ZBTB18: variants seen among roughly 807,000 people sequenced by gnomAD.
The protein encoded by ZBTB18 is zinc finger and BTB domain containing 18, also known as zinc finger and BTB domain-containing protein 18.
In ZBTB18, 2 loss-of-function variants were observed where a neutral mutation model predicts 37.7. The observed-to-expected ratio is 0.05, with a 90% confidence interval of 0.02 to 0.17. The LOEUF is 0.17. ZBTB18 is among the 10% of genes least tolerant of loss of function. The pLI is 1.00. For missense variants in ZBTB18, 408 were observed against 686.3 expected (o/e 0.59, Z 4.53); for synonymous variants, 304 against 276.5 (o/e 1.10, Z -0.99).
chr1:244,053,969 G>C lies in ZBTB18; in HGVS notation c.195G>C (p.Gln65His), dbSNP rs553501844. Residue 65 changes from glutamine to histidine, a missense_variant, in exon 2 of 2, where the codon CAG becomes CAC. Gln to His is a conservative substitution (Grantham distance 24). Around this residue, in one of 4 missense-constraint regions of ZBTB18, gnomAD observed 95 missense variants for 218.7 expected, o/e 0.43. Transcript: ENST00000358704. This position sits in a 1 kb window ranked among gnomAD's most constrained non-coding sequence, Gnocchi z 5.2. ...ATTTCCACCTCTTTTACAAGGACCA[G>C]CTGGACAAAAGAGACATTGTTCATC... ...SMYFHLFYKD[Q>H]LDKRDIVHLN... 1 of 1,614,138 alleles carries C rather than the reference G, an allele frequency of 6.2e-7. No homozygotes were observed. The highest frequency in any genetic ancestry group is 1.3e-5 in the African/African-American group (1 of 75,024).
chr1:244,056,750 A>G lies in ZBTB18; in HGVS notation c.*1380A>G, dbSNP rs879622076. The G allele has an allele frequency of 6.4e-6, 1 of 155,280 alleles. No homozygotes were observed. Among genetic ancestry groups the G allele is most frequent in the Non-Finnish European group, 1.5e-5 (1 of 66,084 alleles). The allele number at this position is 155,280 out of a possible 1,614,324, so 9.6% of individuals were successfully genotyped here. A position where few individuals can be genotyped will look rare whatever the true frequency, so the allele number is the denominator to read the frequency against. ...TGAAAGGACTGGACTGCCTTGATTGACATGGGGAAGGGGGTTAGTAGACTA... is the reference window on the plus strand; with the variant it reads ...TGAAAGGACTGGACTGCCTTGATTGGCATGGGGAAGGGGGTTAGTAGACTA... On this transcript the variant is annotated 3_prime_UTR_variant, in exon 2 of 2. Transcript: ENST00000358704.
Position 244,054,995 on chromosome 1 carries a change from C to T in ZBTB18, c.1221C>T (p.Gly407=), listed in dbSNP as rs772322715. The change falls in exon 2 of 2, where the codon GGC becomes GGT. Residue 407 remains glycine (G), a synonymous_variant. Transcript: ENST00000358704. The surrounding 1 kb of genome is among the most constrained non-coding windows in gnomAD (Gnocchi z 9.0). ...GCACGCACTTCCGCGAGCAGGACGG[C>T]ATCCGCAGCAAGCCCGCCGCCGATG... ...HLSTHFREQD[G]IRSKPAADVN... The T allele has an allele frequency of 7.4e-6, 12 of 1,614,006 alleles. No homozygotes were observed. The Admixed American group carries it at 1.5e-4, about 20-fold the overall frequency.
Position 244,053,373 on chromosome 1 carries a change from ACTTTT to A in ZBTB18, c.14-410_14-406del, listed in dbSNP as rs933553298. 6.6e-6 allele frequency among the ~76,000 whole-genome samples: 1 copy of A among 152,090 alleles called. No individual in the cohort carries two copies. The highest frequency in any genetic ancestry group is 1.5e-5 in the Non-Finnish European group (1 of 68,008). On this transcript the variant is annotated intron_variant, in intron 1 of 1. Transcript: ENST00000358704. This position sits in a 1 kb window ranked among gnomAD's most constrained non-coding sequence, Gnocchi z 5.2. ...TTGTATGTTCCAGGATATGTTTGGG[ACTTTT>A]CTTTGTTTATTATATGAGTTGTTCC...
At position 244,055,645 on chromosome 1, in the gene ZBTB18, A is replaced by G. The variant is rs150441259; in HGVS notation, c.*275A>G. On this transcript the variant is annotated 3_prime_UTR_variant, in exon 2 of 2. Transcript: ENST00000358704. The surrounding 1 kb of genome is among the most constrained non-coding windows in gnomAD (Gnocchi z 7.0). Reference sequence around the variant, plus strand: ...CTTTTAAACAAATCGTCCTGTCACAAAATGCTTTCATATGGCTTAATTTTG... The same window carrying G: ...CTTTTAAACAAATCGTCCTGTCACAGAATGCTTTCATATGGCTTAATTTTG... The G allele has an allele frequency of 2.4e-5, 4 of 166,754 alleles. No homozygotes were observed. The highest frequency in any genetic ancestry group is 2.1e-4 in the South Asian group (1 of 4,818). 10.3% of individuals were successfully genotyped at this position (166,754 alleles called of 1,614,324 possible).
Position 244,056,738 on chromosome 1 carries a change from C to G in ZBTB18, c.*1368C>G, listed in dbSNP as rs1698481300. 2 of 159,694 alleles carry G rather than the reference C, an allele frequency of 1.3e-5. No homozygotes were observed. Among genetic ancestry groups the G allele is most frequent in the Admixed American group, 1.5e-4 (2 of 13,670 alleles). The allele number at this position is 159,694 out of a possible 1,614,324, so 9.9% of individuals were successfully genotyped here. A position where few individuals can be genotyped will look rare whatever the true frequency, so the allele number is the denominator to read the frequency against. The stretch of plus-strand genomic sequence containing the variant: ...AAAGCCCCAGGCTGAAAGGACTGGA[C>G]TGCCTTGATTGACATGGGGAAGGGG... On this transcript the variant is annotated 3_prime_UTR_variant, in exon 2 of 2. Coordinates refer to ENST00000358704, the MANE Select transcript of ZBTB18 (RefSeq NM_205768.3).
Position 244,055,076 on chromosome 1 carries a change from C to T in ZBTB18, c.1302C>T (p.Leu434=). 1.2e-6 allele frequency: 2 copies of T among 1,614,210 alleles called. No homozygotes were observed. The highest frequency in any genetic ancestry group is 1.7e-6 in the Non-Finnish European group (2 of 1,180,052). ...AGACTTTCTCTTGCATGTACACCCTCAAGCGCCACGAGAGGACTCACTCGG... is the reference window on the plus strand; with the variant it reads ...AGACTTTCTCTTGCATGTACACCCTTAAGCGCCACGAGAGGACTCACTCGG... ...CGKTFSCMYT[L]KRHERTHSGE... is the part of the protein sequence containing the mutation. Residue 434 remains leucine, a synonymous_variant, in exon 2 of 2, where the codon CTC becomes CTT. Transcript: ENST00000358704. This position sits in a 1 kb window ranked among gnomAD's most constrained non-coding sequence, Gnocchi z 7.0.
chr1:244,054,406 A>G lies in ZBTB18; in HGVS notation c.632A>G (p.Glu211Gly). The change falls in exon 2 of 2, where the codon GAG (glutamate) becomes GGG (glycine). Residue 211 changes from glutamate to glycine, a missense_variant. Coordinates refer to ENST00000358704, the MANE Select transcript of ZBTB18 (RefSeq NM_205768.3). This position sits in a 1 kb window ranked among gnomAD's most constrained non-coding sequence, Gnocchi z 9.0. ...ATCCCCCAGGCTGGCGGAGAGGCAG[A>G]GCCACACGCCACAGCAGCTGGAAAA... Reference protein sequence around the residue: ...AGIPQAGGEAEPHATAAGKTV... With the variant: ...AGIPQAGGEAGPHATAAGKTV... 6.2e-7 allele frequency: 1 copy of G among 1,614,212 alleles called. No individual in the cohort carries two copies. Among genetic ancestry groups the G allele is most frequent in the Non-Finnish European group, 8.5e-7 (1 of 1,180,046 alleles).
At chr1:244,049,463 G>A (rs893331877), upstream of ZBTB18, among the ~76,000 whole-genome samples, 11 of 148,282 alleles carry the variant, frequency 7.4e-5, no homozygotes, top group East Asian at 2.2e-3. Flanking sequence ...GGAGGGGGCC[G>A]GCGGGGGAGG....
At position 244,054,720 on chromosome 1, in the gene ZBTB18, G is replaced by A. The variant is rs909531286; in HGVS notation, c.946G>A (p.Val316Ile). The stretch of plus-strand genomic sequence containing the variant: ...AGAAAGTGTGAGCACTAATAACAGG[G>A]TACAGTATGAGCCGGCCCATCTGGC... ...VKESVSTNNR[V>I]QYEPAHLAPL... Residue 316 changes from valine (V) to isoleucine (I), a missense_variant, in exon 2 of 2, where the codon GTA becomes ATA. Physicochemically the swap from Val to Ile is conservative, Grantham distance 29. Coordinates refer to ENST00000358704, the MANE Select transcript of ZBTB18 (RefSeq NM_205768.3). The surrounding 1 kb of genome is among the most constrained non-coding windows in gnomAD (Gnocchi z 9.0). The A allele has an allele frequency of 3.1e-6, 5 of 1,614,170 alleles. No individual in the cohort carries two copies. The highest frequency in any genetic ancestry group is 4.2e-6 in the Non-Finnish European group (5 of 1,180,034).
At position 244,053,265 on chromosome 1, in the gene ZBTB18, A is replaced by ATG. The variant is rs370271766; in HGVS notation, c.14-509_14-508dup. Among the ~76,000 whole-genome samples, 2,580 of 151,882 alleles carry ATG rather than the reference A, an allele frequency of 0.017. 37 individuals carry two copies. The highest frequency in any genetic ancestry group is 0.023 in the Non-Finnish European group (1,549 of 67,916). On this transcript the variant is annotated intron_variant, in intron 1 of 1. Coordinates refer to ENST00000358704, the MANE Select transcript of ZBTB18 (RefSeq NM_205768.3). The surrounding 1 kb of genome is among the most constrained non-coding windows in gnomAD (Gnocchi z 5.2). ...CATTTTTTTTTCTTGATTCAGCCAA[A>ATG]TGTGTGTGTGTGTGTTTAAACTGTG...
rs767598007 is a variant in ZBTB18 at position 244,051,407 on chromosome 1, C to CA, written c.-24dup. The CA allele has an allele frequency of 1.2e-6, 2 of 1,613,822 alleles. No individual in the cohort carries two copies. Among genetic ancestry groups the CA allele is most frequent in the East Asian group, 2.2e-5 (1 of 44,884 alleles). Reference sequence around the variant, plus strand: ...TAACAGACCTGGAGCCAGCAGGACTCAGAGGAAAGGACTTAATCAGGTTTA... The same window carrying CA: ...TAACAGACCTGGAGCCAGCAGGACTCAAGAGGAAAGGACTTAATCAGGTTTA... On this transcript the variant is annotated 5_prime_UTR_variant, in exon 1 of 2. Coordinates refer to ENST00000358704, the MANE Select transcript of ZBTB18 (RefSeq NM_205768.3).
chr1:244,048,667 C>A (rs866459463), upstream of ZBTB18, among the ~76,000 whole-genome samples: 12 of 142,508 alleles, frequency 8.4e-5, no homozygotes, highest in African/African-American at 2.8e-4. Context: ...GGCCCGGCGG[C>A]TCCGCGCTCG....
At chr1:244,049,019 C>T (rs989852188), upstream of ZBTB18, 3 of 147,868 alleles carry the variant, frequency 2.0e-5, no homozygotes, top group South Asian at 1.8e-4. Context: ...GGCCCCTGGC[C>T]CCTGACCTGG....
chr1:244,054,053 A>T lies in ZBTB18; in HGVS notation c.279A>T (p.Glu93Asp). 6.2e-7 allele frequency: 1 copy of T among 1,614,106 alleles called. No homozygotes were observed. The highest frequency in any genetic ancestry group is 8.5e-7 in the Non-Finnish European group (1 of 1,180,028). ...CTCTCCTGCTTGAATTCATGTATGA[A>T]GGGAAACTCCAGTTCAAAGACTTGC... ...AFALLLEFMY[E>D]GKLQFKDLPI... Residue 93 changes from glutamate to aspartate, a missense_variant, in exon 2 of 2, where the codon GAA (glutamate) becomes GAT (aspartate). Physicochemically the swap from Glu to Asp is conservative, Grantham distance 45 (BLOSUM62 2). Coordinates refer to ENST00000358704, the MANE Select transcript of ZBTB18 (RefSeq NM_205768.3). The surrounding 1 kb of genome is among the most constrained non-coding windows in gnomAD (Gnocchi z 9.0).
upstream of ZBTB18, chr1:244,051,239 C>T: frequency 1.8e-6 from 1 of 552,390 alleles, no homozygotes; most frequent in Non-Finnish European, 3.2e-6. Context: ...AGCTGACAGC[C>T]TGCCATCCCT....
chr1:244,051,655 A>C (rs1698356328), intron 1 of ZBTB18, among the ~76,000 whole-genome samples: 1 of 152,182 alleles, frequency 6.6e-6, no homozygotes, highest in African/African-American at 2.4e-5. Context: ...ACTTTAATAC[A>C]CAAATATTTC....
Position 244,056,973 on chromosome 1 carries a change from C to T in ZBTB18, c.*1603C>T, listed in dbSNP as rs1026764840. The stretch of plus-strand genomic sequence containing the variant: ...GTTTAAAATTTGATCGCCTTAACTA[C>T]TGTAAACATAGCCTATTTTTGTGCT... On this transcript the variant is annotated 3_prime_UTR_variant, in exon 2 of 2. Coordinates refer to ENST00000358704, the MANE Select transcript of ZBTB18 (RefSeq NM_205768.3). The T allele has an allele frequency of 1.8e-5, 3 of 166,696 alleles. No individual in the cohort carries two copies. Among genetic ancestry groups the T allele is most frequent in the Admixed American group, 6.6e-5 (1 of 15,246 alleles). 10.3% of individuals were successfully genotyped at this position (166,696 alleles called of 1,614,324 possible).
Position 244,053,039 on chromosome 1 carries a change from G to A in ZBTB18, c.14-749G>A, listed in dbSNP as rs557497428. 4.6e-5 allele frequency among the ~76,000 whole-genome samples: 7 copies of A among 152,164 alleles called. No individual in the cohort carries two copies. The South Asian group carries it at 1.0e-3, about 23-fold the overall frequency. On this transcript the variant is annotated intron_variant, in intron 1 of 1. Transcript: ENST00000358704. This position sits in a 1 kb window ranked among gnomAD's most constrained non-coding sequence, Gnocchi z 5.2. ...AATGTAACTACTTTTTTCTCAGTTC[G>A]TTTTGAAAAATCTTTGGATTTGTTC... is the stretch of plus-strand genomic sequence containing the variant.
chr1:244,048,819 G>A (rs1184287292), upstream of ZBTB18: 3 of 149,296 alleles, frequency 2.0e-5, no homozygotes, highest in East Asian at 6.0e-4. Context: ...AGGGAGGGGC[G>A]GGGGGGAGCG....
Sources: allele counts gnomAD v4.1 joint callset (sites outside exome capture counted in the v4.1 genomes callset), GRCh38; gene constraint gnomAD v4.1.1; regional missense constraint gnomAD v4.1.1; non-coding constraint Gnocchi (gnomAD v3.1); transcripts MANE v1.5; gene names NCBI Gene and HGNC (gene_info 2026-07-23, HGNC 2026-07-21).